The following CSMD3 variants were observed in gnomAD, a reference collection of about 807,000 sequenced individuals.
The protein encoded by CSMD3 is CUB and sushi domain-containing protein 3.
In CSMD3, 177 loss-of-function variants were observed where a neutral mutation model predicts 435.2. That is an observed-to-expected ratio of 0.41 (90% CI 0.36 to 0.46). The LOEUF is 0.46. CSMD3 is among the 20% of genes least tolerant of loss of function. The pLI is 0.34. For synonymous variants in CSMD3, 1,656 were observed against 1,520.5 expected (o/e 1.09, Z -2.07); for missense variants, 4,265 against 4,504.6 (o/e 0.95, Z 1.52).
At position 112,335,467 on chromosome 8, in the gene CSMD3, G is replaced by A. The variant is rs1191082504; in HGVS notation, c.7027C>T (p.Pro2343Ser). 5 of 1,613,876 alleles carry A rather than the reference G, an allele frequency of 3.1e-6. No individual in the cohort carries two copies. The South Asian group carries it at 5.5e-5, about 18-fold the overall frequency. Residue 2343 changes from proline to serine, a missense_variant, in exon 45 of 71, where the codon CCA (proline) becomes TCA (serine). Physicochemically the swap from Pro to Ser is moderately conservative, Grantham distance 74 (BLOSUM62 -1). This residue lies in a region of CSMD3 where 3,255 missense variants were observed against 3,380.2 expected (regional missense o/e 0.96). Transcript: ENST00000297405. Reference sequence around the variant, plus strand: ...CCGATCTGAGGTGAATTTTGGTCTGGTCCATCCCTATGAGACAAGGATTGG... The same window carrying A: ...CCGATCTGAGGTGAATTTTGGTCTGATCCATCCCTATGAGACAAGGATTGG... ...IYDFITVWDG[P>S]DQNSPQIGQF...
intron 13 of CSMD3, among the ~76,000 whole-genome samples, chr8:112,747,611 G>T (rs968737486): frequency 3.6e-4 from 54 of 152,106 alleles, no homozygotes; most frequent in Non-Finnish European, 1.0e-4. Context: ...TCTGTAAATT[G>T]TCAGAGTAAT....
At chr8:112,661,034 G>A (rs755950793) in intron 17 of CSMD3, among the ~76,000 whole-genome samples, 33 of 152,016 alleles carry the variant, frequency 2.2e-4, no homozygotes, top group Non-Finnish European at 4.4e-4. Context: ...TCTGATCTAC[G>A]CACAAGACTG....
intron 10 of CSMD3, among the ~76,000 whole-genome samples, chr8:112,891,636 TA>T (rs1483601349): frequency 2.6e-5 from 4 of 151,522 alleles, no homozygotes; most frequent in African/African-American, 9.7e-5. Context: ...AGGACTAAGT[TA>T]ATTCAGTTTA....
intron 3 of CSMD3, among the ~76,000 whole-genome samples, chr8:113,254,047 T>A (rs758314822): frequency 2.0e-5 from 3 of 152,152 alleles, no homozygotes. Flanking sequence ...AATCTAGACC[T>A]GCAAACATCC....
At chr8:113,275,215 A>C (rs1456764664) in intron 3 of CSMD3, among the ~76,000 whole-genome samples, 10 of 152,138 alleles carry the variant, frequency 6.6e-5, no homozygotes, top group Non-Finnish European at 1.5e-4. Flanking sequence ...TTACAGATGA[A>C]GACAATGAGA....
At chr8:112,612,333 C>A (rs1228938434) in intron 22 of CSMD3, among the ~76,000 whole-genome samples, 1 of 152,162 alleles carries the variant, frequency 6.6e-6, no homozygotes, top group Admixed American at 6.5e-5. Flanking sequence ...GTCTTCACCA[C>A]AGTAGTTTCT....
chr8:112,969,959 C>T (rs896594259), intron 7 of CSMD3, among the ~76,000 whole-genome samples: 1 of 151,980 alleles, frequency 6.6e-6, no homozygotes, highest in African/African-American at 2.4e-5. Context: ...TTTAACATCA[C>T]TTAATGAAAG....
intron 1 of CSMD3, among the ~76,000 whole-genome samples, chr8:113,317,081 T>G (rs930279808): frequency 1.3e-5 from 2 of 152,122 alleles, no homozygotes; most frequent in African/African-American, 4.8e-5. Context: ...GACCAGGAAG[T>G]TGGATCAGGT....
chr8:113,276,844 T>C (rs564413746), intron 3 of CSMD3, among the ~76,000 whole-genome samples: 1 of 152,036 alleles, frequency 6.6e-6, no homozygotes, highest in South Asian at 2.1e-4. Context: ...ATATTTTAAG[T>C]CAGCACATGC....
Position 112,710,842 on chromosome 8 carries a change from G to A in CSMD3, c.1973-20792C>T, listed in dbSNP as rs544690487. Among the ~76,000 whole-genome samples the A allele has an allele frequency of 6.6e-4, 100 of 150,768 alleles. 2 individuals are homozygous for A. In the South Asian group the frequency reaches 0.02, roughly 31 times the overall value. ...CTTTTGTTGAGAGATTTTGACAAAAGCTTTGTACTTCGTAAGAGATATTGC... is the reference window on the plus strand; with the variant it reads ...CTTTTGTTGAGAGATTTTGACAAAAACTTTGTACTTCGTAAGAGATATTGC... On this transcript the variant is annotated intron_variant, in intron 13 of 70. Coordinates refer to ENST00000297405, the MANE Select transcript of CSMD3 (RefSeq NM_198123.2).
chr8:112,699,656 C>G (rs950158726), intron 13 of CSMD3, among the ~76,000 whole-genome samples: 1 of 152,118 alleles, frequency 6.6e-6, no homozygotes, highest in Non-Finnish European at 1.5e-5. Context: ...TCGCATAGGA[C>G]GTATATTCAG....
intron 40 of CSMD3, among the ~76,000 whole-genome samples, chr8:112,349,193 GAAAT>G (rs1586841926): frequency 6.6e-6 from 1 of 151,920 alleles, no homozygotes; most frequent in Non-Finnish European, 1.5e-5. Flanking sequence ...CAAAAGATGA[GAAAT>G]AAACTTTTAA....
chr8:112,892,082 T>C (rs1221107432), intron 10 of CSMD3, among the ~76,000 whole-genome samples: 1 of 151,620 alleles, frequency 6.6e-6, no homozygotes, highest in Admixed American at 6.6e-5. Flanking sequence ...TAATTATTAT[T>C]ATTAGAAATC....
intron 13 of CSMD3, among the ~76,000 whole-genome samples, chr8:112,708,834 TC>T (rs1279587331): frequency 6.6e-6 from 1 of 151,970 alleles, no homozygotes; most frequent in Non-Finnish European, 1.5e-5. Context: ...CATGTTTCTT[TC>T]CACTTCCAAC....
chr8:112,314,604 G>C lies in CSMD3; in HGVS notation c.7374C>G (p.Ala2458=), dbSNP rs1822289487. The C allele has an allele frequency of 6.2e-7, 1 of 1,611,632 alleles. No homozygotes were observed. Among genetic ancestry groups the C allele is most frequent in the African/African-American group, 1.3e-5 (1 of 74,924 alleles). The change falls in exon 48 of 71, where the codon GCC becomes GCG. Residue 2458 remains alanine (A), a synonymous_variant. Transcript: ENST00000297405. ...APPVCQVLCP[A]NELRLDSTGV... ...CAGTAGAATCTAGCCGTAATTCATT[G>C]GCAGGACAGAGCACTGTCAAAGAAA...
intron 3 of CSMD3, among the ~76,000 whole-genome samples, chr8:113,246,416 G>A (rs2093276907): frequency 6.6e-6 from 1 of 151,868 alleles, no homozygotes; most frequent in Non-Finnish European, 1.5e-5. Context: ...TTTCTATGTG[G>A]TTCTTTTTTA....
At chr8:112,681,671 G>A (rs1346511401) in intron 16 of CSMD3, among the ~76,000 whole-genome samples, 1 of 151,948 alleles carries the variant, frequency 6.6e-6, no homozygotes, top group Non-Finnish European at 1.5e-5. Flanking sequence ...TTTGAGACCA[G>A]CCTGGCCAAC....
At chr8:112,553,204 A>G (rs1031632735) in intron 25 of CSMD3, among the ~76,000 whole-genome samples, 1 of 151,754 alleles carries the variant, frequency 6.6e-6, no homozygotes, top group Non-Finnish European at 1.5e-5. Flanking sequence ...TTTCCCTTGT[A>G]CTCTCCCAAA....
chr8:112,376,528 C>T (rs1054754879), intron 38 of CSMD3, among the ~76,000 whole-genome samples: 1 of 151,956 alleles, frequency 6.6e-6, no homozygotes, highest in African/African-American at 2.4e-5. Flanking sequence ...TCACGTCATT[C>T]AAAACTTCCA....
Sources: allele counts gnomAD v4.1 joint callset (sites outside exome capture counted in the v4.1 genomes callset), GRCh38; gene constraint gnomAD v4.1.1; regional missense constraint gnomAD v4.1.1; transcripts MANE v1.5; gene names NCBI Gene and HGNC (gene_info 2026-07-23, HGNC 2026-07-21).